Variants in HDX observed in about 807,000 individuals in gnomAD.
The protein encoded by HDX is chromosome X open reading frame 43.
Under a neutral mutation model 45.2 loss-of-function variants are expected in HDX, and 19 were observed. That is an observed-to-expected ratio of 0.42 (90% confidence interval 0.29 to 0.62). HDX has a LOEUF of 0.62. Among genes scored for constraint, HDX ranks in the 20% least tolerant of loss-of-function variants. HDX has a pLI of 0.20. For missense variants in HDX, 532 were observed against 493.9 expected (o/e 1.08, Z -0.73); for synonymous variants, 188 against 172.8 (o/e 1.09, Z -0.69).
chrX:84,324,786 C>G (rs1476783862), intron 10 of HDX, among the ~76,000 whole-genome samples: 1 of 110,607 alleles, frequency 9.0e-6, no homozygotes, highest in Non-Finnish European at 1.9e-5. Flanking sequence ...TCTCAATTCA[C>G]AACCATGCTA....
intron 7 of HDX, among the ~76,000 whole-genome samples, chrX:84,343,729 AT>A (rs1299143290): frequency 1.8e-5 from 2 of 111,466 alleles, no homozygotes; most frequent in Admixed American, 9.5e-5. Context: ...ACATAATATT[AT>A]TTTAATTATT....
intron 5 of HDX, among the ~76,000 whole-genome samples, chrX:84,376,876 T>C (rs1023882085): frequency 1.8e-5 from 2 of 111,771 alleles, no homozygotes; most frequent in Admixed American, 9.5e-5. Flanking sequence ...ACCAGCTGAT[T>C]GTAGAGCCCC....
chrX:84,492,004 T>C (rs751943671), intron 1 of HDX, among the ~76,000 whole-genome samples: 25 of 111,466 alleles, frequency 2.2e-4, no homozygotes, highest in African/African-American at 8.1e-4. Flanking sequence ...TCTCTCCATA[T>C]GCAGTTTTCT....
chrX:84,386,081 G>A (rs2038314233), intron 5 of HDX, among the ~76,000 whole-genome samples: 1 of 109,697 alleles, frequency 9.1e-6, no homozygotes, highest in Non-Finnish European at 1.9e-5. Flanking sequence ...TAGATTTTAT[G>A]GAAAACTTTT....
intron 6 of HDX, among the ~76,000 whole-genome samples, chrX:84,354,930 CATATATATATATATATATATATATATAT>C (rs72331919): frequency 2.7e-5 from 2 of 74,838 alleles, no homozygotes; most frequent in Non-Finnish European, 5.0e-5. Flanking sequence ...CACACACACA[CATATATATATATATATATATATATATAT>C]ATATATATAT....
chrX:84,454,853 T>G (rs1271283077), intron 4 of HDX, among the ~76,000 whole-genome samples: 1 of 110,753 alleles, frequency 9.0e-6, no homozygotes, highest in Non-Finnish European at 1.9e-5. Context: ...CTTCCCCAGT[T>G]CCAGGCGGCT....
intron 5 of HDX, among the ~76,000 whole-genome samples, chrX:84,428,877 GTTAA>G (rs2039442533): frequency 9.1e-6 from 1 of 110,336 alleles, no homozygotes; most frequent in Non-Finnish European, 1.9e-5. Context: ...TCCATTTTGA[GTTAA>G]TTTTTATATA....
intron 5 of HDX, among the ~76,000 whole-genome samples, chrX:84,421,014 A>G (rs964920528): frequency 8.9e-6 from 1 of 112,335 alleles, no homozygotes; most frequent in East Asian, 2.8e-4. Context: ...GTCCTAGAAG[A>G]AATGCTGATG....
At chrX:84,386,376 T>TA (rs1257132544) in intron 5 of HDX, among the ~76,000 whole-genome samples, 2 of 111,131 alleles carry the variant, frequency 1.8e-5, no homozygotes, top group African/African-American at 6.6e-5. Context: ...CAGGCTGAGT[T>TA]ACGGAGGAAA....
chrX:84,332,611 C>CT (rs2036869353), intron 9 of HDX, among the ~76,000 whole-genome samples: 1 of 110,899 alleles, frequency 9.0e-6, no homozygotes, highest in African/African-American at 3.3e-5. Context: ...CAATCTAGTC[C>CT]TTTCGTCTGT....
intron 7 of HDX, among the ~76,000 whole-genome samples, chrX:84,343,532 T>A (rs1238907608): frequency 9.0e-6 from 1 of 111,073 alleles, no homozygotes; most frequent in Non-Finnish European, 1.9e-5. Flanking sequence ...AAGCAATCAT[T>A]TCACAACAGT....
intron 9 of HDX, among the ~76,000 whole-genome samples, chrX:84,329,271 C>CT (rs1181865238): frequency 8.9e-6 from 1 of 111,882 alleles, no homozygotes; most frequent in African/African-American, 3.2e-5. Context: ...TTCAGGTTAA[C>CT]TTTGAAATGC....
At chrX:84,420,429 T>C (rs1013358991) in intron 5 of HDX, among the ~76,000 whole-genome samples, 2 of 109,542 alleles carry the variant, frequency 1.8e-5, no homozygotes, top group Middle Eastern at 4.8e-3. Flanking sequence ...CATTTGAAAA[T>C]ACACAATCGG....
chrX:84,438,253 T>A (rs915560843), intron 5 of HDX, among the ~76,000 whole-genome samples: 1 of 111,430 alleles, frequency 9.0e-6, no homozygotes, highest in African/African-American at 3.3e-5. Flanking sequence ...TTACATTATT[T>A]TCACAGTTTA....
At chrX:84,473,495 A>G (rs987928637) in intron 3 of HDX, among the ~76,000 whole-genome samples, 1 of 110,653 alleles carries the variant, frequency 9.0e-6, no homozygotes, top group African/African-American at 3.3e-5. Flanking sequence ...GAATGAATCC[A>G]TTTTTTACAC....
chrX:84,396,961 G>T (rs1435620170), intron 5 of HDX, among the ~76,000 whole-genome samples: 1 of 111,975 alleles, frequency 8.9e-6, no homozygotes, highest in Non-Finnish European at 1.9e-5. Context: ...GCTAAAGAGA[G>T]GCAGCAGCTG....
At chrX:84,354,583 C>T (rs1353125173) in intron 6 of HDX, among the ~76,000 whole-genome samples, 1 of 109,902 alleles carries the variant, frequency 9.1e-6, no homozygotes, top group Non-Finnish European at 1.9e-5. Context: ...AACAGAAATG[C>T]ATATGTACAG....
intron 3 of HDX, among the ~76,000 whole-genome samples, chrX:84,470,117 C>A (rs2040428388): frequency 1.8e-5 from 2 of 111,713 alleles, no homozygotes; most frequent in Non-Finnish European, 3.8e-5. Context: ...TTCATACTAT[C>A]AGATTATTTA....
At chrX:84,357,699 T>A (rs1336010651) in intron 6 of HDX, among the ~76,000 whole-genome samples, 1 of 111,970 alleles carries the variant, frequency 8.9e-6, no homozygotes, top group African/African-American at 3.3e-5. Flanking sequence ...TGTAAACATA[T>A]AAGAGAGACT....
Sources: gnomAD v4.1 joint callset for allele counts (sites outside exome capture counted in the v4.1 genomes callset) on GRCh38, gnomAD v4.1.1 for gene constraint, MANE v1.5 for transcripts, NCBI Gene and HGNC (gene_info 2026-07-23, HGNC 2026-07-21) for gene names.